Variants in TCERG1L observed in about 807,000 individuals in gnomAD.
TCERG1L encodes the protein transcription elongation regulator 1-like protein.
Under a neutral mutation model 56.3 loss-of-function variants are expected in TCERG1L, and 37 were observed. The ratio of observed to expected loss-of-function variants is 0.66; its 90% CI spans 0.51 to 0.87. TCERG1L has a LOEUF of 0.87. Ranked by LOEUF, TCERG1L falls within the 40% of genes least tolerant of loss-of-function variation. The pLI is 0.00. For synonymous variants in TCERG1L, 324 were observed against 326.3 expected, an observed-to-expected ratio of 0.99 and a Z score of 0.08; for missense variants, 799 against 774.2, an observed-to-expected ratio of 1.03 and a Z score of -0.38.
chr10:131,309,136 A>G lies in TCERG1L; in HGVS notation c.489+17T>C. 1.2e-6 allele frequency: 2 copies of G among 1,605,036 alleles called. No homozygotes were observed. The highest frequency in any genetic ancestry group is 2.3e-5 in the East Asian group (1 of 44,354). On this transcript the variant is annotated intron_variant, in intron 2 of 11. Transcript: ENST00000368642. ...CATTAAAAGCCCCTTATCCAATTAA[A>G]TCACTTGCGTTTTTACCTTACAGTT...
chr10:131,189,375 C>T (rs1845281561), intron 4 of TCERG1L, among the ~76,000 whole-genome samples: 1 of 152,114 alleles, frequency 6.6e-6, no homozygotes, highest in Non-Finnish European at 1.5e-5. Flanking sequence ...ATTCCCCTCT[C>T]TATGTCCATG....
At chr10:131,272,051 C>T (rs1452276868) in intron 3 of TCERG1L, among the ~76,000 whole-genome samples, 1 of 152,172 alleles carries the variant, frequency 6.6e-6, no homozygotes, top group Non-Finnish European at 1.5e-5. Context: ...GGAGATAAGC[C>T]TGGGTCCACA....
chr10:131,261,723 G>C (rs79422072), intron 3 of TCERG1L, among the ~76,000 whole-genome samples: 2 of 152,208 alleles, frequency 1.3e-5, no homozygotes, highest in Non-Finnish European at 2.9e-5. Flanking sequence ...GCTGGCCTTC[G>C]GGGAAGGTTC....
intron 8 of TCERG1L, among the ~76,000 whole-genome samples, chr10:131,121,769 C>T (rs1366130967): frequency 1.3e-5 from 2 of 152,188 alleles, no homozygotes; most frequent in African/African-American, 2.4e-5. Flanking sequence ...GGTGCCAGGT[C>T]GCCCAGCTGC....
chr10:131,296,442 T>C (rs2133578407), intron 3 of TCERG1L, among the ~76,000 whole-genome samples: 1 of 152,330 alleles, frequency 6.6e-6, no homozygotes, highest in African/African-American at 2.4e-5. Flanking sequence ...CGTGCATGTG[T>C]CTACTTTTGG....
intron 4 of TCERG1L, among the ~76,000 whole-genome samples, chr10:131,208,874 G>A (rs1233596546): frequency 6.6e-6 from 1 of 152,048 alleles, no homozygotes; most frequent in Non-Finnish European, 1.5e-5. Flanking sequence ...TGGCTAACAT[G>A]GTAAAACCGC....
chr10:131,149,129 G>T (rs1002283033), intron 6 of TCERG1L, among the ~76,000 whole-genome samples: 16 of 152,258 alleles, frequency 1.1e-4, no homozygotes, highest in African/African-American at 3.9e-4. Context: ...CTTCAGATGG[G>T]GGGTGGAATG....
chr10:131,101,514 C>T (rs541412737), intron 10 of TCERG1L, among the ~76,000 whole-genome samples: 14 of 152,296 alleles, frequency 9.2e-5, no homozygotes, highest in Non-Finnish European at 1.6e-4. Flanking sequence ...TGGTGGCACA[C>T]GTGGCACGTG....
chr10:131,189,253 G>A lies in TCERG1L; in HGVS notation c.857-22368C>T, dbSNP rs530344391. ...CATGCATAGATAGGGTAATGGTCAA[G>A]TCATGGCTGTTAGTGTATCCGTCAC... On this transcript the variant is annotated intron_variant, in intron 4 of 11. Coordinates refer to ENST00000368642, the MANE Select transcript of TCERG1L (RefSeq NM_174937.4). 6.6e-5 allele frequency among the ~76,000 whole-genome samples: 10 copies of A among 152,310 alleles called. No homozygotes were observed. The South Asian group carries it at 2.1e-3, about 32-fold the overall frequency.
intron 4 of TCERG1L, among the ~76,000 whole-genome samples, chr10:131,172,248 G>A (rs1350366681): frequency 6.6e-6 from 1 of 151,908 alleles, no homozygotes; most frequent in Non-Finnish European, 1.5e-5. Flanking sequence ...ACCCGGGGAA[G>A]TGAATGGACC....
At position 131,092,870 on chromosome 10, in the gene TCERG1L, C is replaced by CT. The variant is rs1845194084; in HGVS notation, c.*291_*292insA. On this transcript the variant is annotated 3_prime_UTR_variant, in exon 12 of 12. Coordinates refer to ENST00000368642, the MANE Select transcript of TCERG1L (RefSeq NM_174937.4). ...AGAGGCTCCCGTTCCTGCTTCCCCA[C>CT]AGTCCTGCAGTGGATTGATAATTTG... is the stretch of plus-strand genomic sequence containing the variant. 4.1e-6 allele frequency: 1 copy of CT among 245,302 alleles called. No individual in the cohort carries two copies. The highest frequency in any genetic ancestry group is 5.4e-5 in the Admixed American group (1 of 18,432). 15.2% of individuals were successfully genotyped at this position (245,302 alleles called of 1,614,324 possible). A position where few individuals can be genotyped will look rare whatever the true frequency, so the allele number is the denominator to read the frequency against.
intron 1 of TCERG1L, among the ~76,000 whole-genome samples, chr10:131,309,858 A>AAAAAAAAAAAGAAC (rs1240934267): frequency 6.7e-6 from 1 of 150,346 alleles, no homozygotes. Context: ...AAAAAAAAAA[A>AAAAAAAAAAAGAAC]ACTAAGCATC....
At chr10:131,127,213 C>T (rs1025557128) in intron 8 of TCERG1L, among the ~76,000 whole-genome samples, 8 of 152,176 alleles carry the variant, frequency 5.3e-5, no homozygotes, top group Admixed American at 4.6e-4. Context: ...GTTAGAGAAA[C>T]AGAACAAAAG....
intron 4 of TCERG1L, among the ~76,000 whole-genome samples, chr10:131,215,228 G>A (rs570833177): frequency 1.1e-4 from 17 of 152,274 alleles, no homozygotes; most frequent in African/African-American, 3.1e-4. Flanking sequence ...CCCCAAGCCC[G>A]ACACCCATGT....
chr10:131,209,332 T>A (rs1024359704), intron 4 of TCERG1L, among the ~76,000 whole-genome samples: 7 of 149,028 alleles, frequency 4.7e-5, no homozygotes, highest in African/African-American at 1.7e-4. Context: ...GAAGCCGAAG[T>A]CTGGAAAATC....
chr10:131,193,042 T>C (rs1024003203), intron 4 of TCERG1L, among the ~76,000 whole-genome samples: 6 of 151,816 alleles, frequency 4.0e-5, no homozygotes, highest in East Asian at 1.9e-4. Context: ...AAATAAATAA[T>C]AGTTATTTTG....
intron 4 of TCERG1L, among the ~76,000 whole-genome samples, chr10:131,176,193 C>T (rs2133445495): frequency 6.6e-6 from 1 of 152,296 alleles, no homozygotes; most frequent in East Asian, 1.9e-4. Flanking sequence ...GGACCAGGGC[C>T]TCTGGTGCCC....
chr10:131,147,255 A>C (rs145602880), intron 6 of TCERG1L, among the ~76,000 whole-genome samples: 1 of 152,368 alleles, frequency 6.6e-6, no homozygotes, highest in East Asian at 1.9e-4. Context: ...GACATCTAAA[A>C]GGAATTATGT....
In TCERG1L at chr10:131,309,200, T is replaced by C. The variant is rs778691788; in HGVS notation, c.442A>G (p.Thr148Ala). 10 of 1,610,564 alleles carry C rather than the reference T, an allele frequency of 6.2e-6. No individual in the cohort carries two copies. Among genetic ancestry groups the C allele is most frequent in the African/African-American group, 5.4e-5 (4 of 74,622 alleles). The change falls in exon 2 of 12, where the codon ACC (threonine) becomes GCC (alanine). Residue 148 changes from threonine to alanine, a missense_variant. By Grantham distance (58) the Thr-to-Ala change is moderately conservative. Transcript: ENST00000368642. ...FPHLCPSALA[T>A]PIGKSWIDKR... The stretch of plus-strand genomic sequence containing the variant: ...TCTATCCAACTTTTCCCAATAGGGG[T>C]TGCAAGAGCAGAAGGGCAGAGATGT...
Sources: gnomAD v4.1 joint callset for allele counts (sites outside exome capture counted in the v4.1 genomes callset) on GRCh38, gnomAD v4.1.1 for gene constraint, MANE v1.5 for transcripts, NCBI Gene and HGNC (gene_info 2026-07-23, HGNC 2026-07-21) for gene names.